The following SORBS2 variants were observed in gnomAD, a reference collection of about 807,000 sequenced individuals.
SORBS2 encodes sorbin and SH3 domain containing 2, also known as sorbin and SH3 domain-containing protein 2.
In SORBS2, 46 loss-of-function variants were observed where a neutral mutation model predicts 97.7. The ratio of observed to expected loss-of-function variants is 0.47; its 90% CI spans 0.37 to 0.60. The LOEUF (loss-of-function observed/expected upper bound fraction) is 0.60. Among genes scored for constraint, SORBS2 ranks in the 20% least tolerant of loss-of-function variants. The pLI, the probability that SORBS2 is intolerant of heterozygous loss-of-function variation, is 0.00. For missense variants in SORBS2, 1,316 were observed against 1,282.3 expected (o/e 1.03, Z -0.40); for synonymous variants, 476 against 473.4 (o/e 1.01, Z -0.07).
At chr4:185,935,083 G>A (rs973307799) in intron 1 of SORBS2, among the ~76,000 whole-genome samples, 1 of 152,166 alleles carries the variant, frequency 6.6e-6, no homozygotes, top group African/African-American at 2.4e-5. Context: ...CAACAATCAA[G>A]GCTAATGTAG....
intron 11 of SORBS2, 49 bp downstream of exon 23, chr4:185,614,782 T>C (rs1273422428): frequency 6.2e-7 from 1 of 1,605,382 alleles, no homozygotes; most frequent in South Asian, 1.1e-5. Context: ...TCAAACCCAC[T>C]GAAGAACAAA....
chr4:185,876,071 T>C (rs958522472), intron 1 of SORBS2, among the ~76,000 whole-genome samples: 1 of 152,172 alleles, frequency 6.6e-6, no homozygotes, highest in African/African-American at 2.4e-5. Flanking sequence ...TACTTCTCTA[T>C]TGCAGAATAC....
chr4:185,939,587 C>T (rs897440390), intron 1 of SORBS2, among the ~76,000 whole-genome samples: 18 of 152,184 alleles, frequency 1.2e-4, no homozygotes, highest in Middle Eastern at 3.4e-3. Context: ...CTCGGCTCAC[C>T]GCAACCTCTG....
intron 1 of SORBS2, among the ~76,000 whole-genome samples, chr4:185,803,047 T>C (rs919476599): frequency 3.9e-5 from 6 of 152,168 alleles, no homozygotes; most frequent in African/African-American, 1.4e-4. Flanking sequence ...CTCTAGTGGT[T>C]CAGTGATCCC....
At chr4:185,726,066 G>T (rs982950388) in intron 2 of SORBS2, among the ~76,000 whole-genome samples, 10 of 152,154 alleles carry the variant, frequency 6.6e-5, no homozygotes, top group Admixed American at 1.3e-4. Flanking sequence ...TGGGTAGTAG[G>T]AGTGTCAGGA....
intron 1 of SORBS2, among the ~76,000 whole-genome samples, chr4:185,938,987 C>T (rs2099270491): frequency 6.6e-6 from 1 of 152,180 alleles, no homozygotes; most frequent in Non-Finnish European, 1.5e-5. Context: ...GTATTTAAAA[C>T]TGCCTGGTGA....
At chr4:185,802,561 T>C (rs1029763609) in intron 1 of SORBS2, among the ~76,000 whole-genome samples, 1 of 152,130 alleles carries the variant, frequency 6.6e-6, no homozygotes, top group Non-Finnish European at 1.5e-5. Context: ...TCAGCTAACT[T>C]ACACTAACAT....
chr4:185,811,359 G>A (rs182145085), intron 1 of SORBS2, among the ~76,000 whole-genome samples: 4 of 152,318 alleles, frequency 2.6e-5, no homozygotes, highest in Admixed American at 2.0e-4. Flanking sequence ...AGCGAGAAAT[G>A]TTGTTGGCTG....
intron 1 of SORBS2, among the ~76,000 whole-genome samples, chr4:185,849,026 C>T (rs183919521): frequency 1.5e-4 from 23 of 152,158 alleles, no homozygotes; most frequent in Admixed American, 2.6e-4. Flanking sequence ...CTAGGTGGTA[C>T]GAAAAGGTTG....
At position 185,623,055 on chromosome 4, in the gene SORBS2, G is replaced by A. The variant is rs1406125939; in HGVS notation, c.2074C>T (p.His692Tyr). 1.9e-6 allele frequency: 3 copies of A among 1,614,190 alleles called. No individual in the cohort carries two copies. The highest frequency in any genetic ancestry group is 2.5e-6 in the Non-Finnish European group (3 of 1,180,038). The change falls in exon 7 of 15, where the codon CAC becomes TAC. Residue 692 changes from histidine (H) to tyrosine (Y), a missense_variant. Coordinates refer to ENST00000418609, the Ensembl canonical transcript of SORBS2. The surrounding 1 kb of genome is among the most constrained non-coding windows in gnomAD (Gnocchi z 6.4). ...ATAGCACCATCGGGAGGCAGTGGGT[G>A]GAGAGGCTGGTGCAGGGGGCTCCTC...
At position 185,626,829 on chromosome 4, in the gene SORBS2, C is replaced by T. The variant is rs745904310; in HGVS notation, c.634+3G>A. ...TTGTTGTGTTTTCATTTACTATGCT[C>T]ACCTTTTGCTCTTGATGGGGAAGAA... On this transcript the variant is annotated splice_donor_region_variant and intron_variant, in intron 6 of 14. Coordinates refer to ENST00000418609, the Ensembl canonical transcript of SORBS2. 2.5e-6 allele frequency: 4 copies of T among 1,613,806 alleles called. No homozygotes were observed. Among genetic ancestry groups the T allele is most frequent in the East Asian group, 2.2e-5 (1 of 44,890 alleles).
At chr4:185,617,940 A>G (rs1360738577) in intron 9 of SORBS2, among the ~76,000 whole-genome samples, 2 of 152,194 alleles carry the variant, frequency 1.3e-5, no homozygotes, top group African/African-American at 2.4e-5. Context: ...TCCCCCAGCT[A>G]GTGTTAATTA....
Position 185,915,326 on chromosome 4 carries a change from T to A in SORBS2, c.-338+40870A>T, listed in dbSNP as rs2099257519. Among the ~76,000 whole-genome samples the A allele has an allele frequency of 2.6e-5, 4 of 152,194 alleles. No homozygotes were observed. The East Asian group carries it at 7.7e-4, about 29-fold the overall frequency. The stretch of plus-strand genomic sequence containing the variant: ...AAGGGCACTGCCATAGACTCACATG[T>A]TTCCTCTAATGCCTTGAAAAGCATT... On this transcript the variant is annotated intron_variant, in intron 1 of 20. Coordinates refer to the SORBS2 transcript ENST00000284776.
At chr4:185,768,661 A>G (rs1022992925) in intron 2 of SORBS2, among the ~76,000 whole-genome samples, 3 of 149,410 alleles carry the variant, frequency 2.0e-5, no homozygotes, top group Non-Finnish European at 4.4e-5. Flanking sequence ...ATTGCACCAC[A>G]GCACTCCAGC....
At chr4:185,920,999 G>A (rs763563633) in intron 1 of SORBS2, among the ~76,000 whole-genome samples, 5 of 152,168 alleles carry the variant, frequency 3.3e-5, no homozygotes, top group East Asian at 1.9e-4. Context: ...TTCCTCCTTC[G>A]ATGGGAGCCC....
chr4:185,625,250 C>CT (rs2096791298), intron 6 of SORBS2, among the ~76,000 whole-genome samples: 2 of 152,232 alleles, frequency 1.3e-5, no homozygotes, highest in South Asian at 2.1e-4. Context: ...ATATACCATG[C>CT]TTTTTTTCTC....
rs369032473 is a variant in SORBS2, at chr4:185,895,286, T to G, written c.-338+60910A>C. ...TTTGGTGTCACAGCACCTCCTGAAC[T>G]CCTTGTCTGTATGTTTGCGTAATTC... On this transcript the variant is annotated intron_variant, in intron 1 of 20. Coordinates refer to the SORBS2 transcript ENST00000284776. Among the ~76,000 whole-genome samples, 5 of 152,320 alleles carry G rather than the reference T, an allele frequency of 3.3e-5. No homozygotes were observed. The East Asian group carries it at 9.7e-4, about 29-fold the overall frequency.
In SORBS2 at chr4:185,652,663, C is replaced by T. The variant is rs61732192; in HGVS notation, c.90G>A (p.Pro30=). Residue 30 remains proline, a splice_region_variant and synonymous_variant, in exon 2 of 15, where the codon CCG becomes CCA. Coordinates refer to ENST00000418609, the Ensembl canonical transcript of SORBS2. ...CAGAAAGCAGAGCAGCAGACATACCCGGCTTGTGCACCATGTGAATTTGCT... is the reference window on the plus strand; with the variant it reads ...CAGAAAGCAGAGCAGCAGACATACCTGGCTTGTGCACCATGTGAATTTGCT... The T allele has an allele frequency of 2.7e-3, 4,365 of 1,613,470 alleles. 107 individuals carry two copies. In the African/African-American group the frequency reaches 0.052, roughly 19 times the overall value.
chr4:185,863,393 G>A (rs999892186), intron 1 of SORBS2, among the ~76,000 whole-genome samples: 3 of 152,126 alleles, frequency 2.0e-5, no homozygotes, highest in Non-Finnish European at 2.9e-5. Flanking sequence ...ACTGTGCAAC[G>A]TCCTATGCTT....
Sources: gnomAD v4.1 joint callset for allele counts (sites outside exome capture counted in the v4.1 genomes callset) on GRCh38, gnomAD v4.1.1 for gene constraint, Gnocchi (gnomAD v3.1) non-coding constraint, MANE v1.5 for transcripts, NCBI Gene and HGNC (gene_info 2026-07-23, HGNC 2026-07-21) for gene names.